Variants in DAB1 observed in about 807,000 individuals in gnomAD.
The protein encoded by DAB1 is DAB adaptor protein 1.
A neutral mutation model predicts 64.6 loss-of-function variants in DAB1; 15 were observed. The observed-to-expected ratio is 0.23, with a 90% CI of 0.16 to 0.36. The LOEUF (loss-of-function observed/expected upper bound fraction) is 0.36. Ranked by LOEUF, DAB1 falls within the 10% of genes least tolerant of loss-of-function variation. The probability of loss-of-function intolerance (pLI) is 1.00; values close to 1 mark genes in which losing one functional copy is unlikely to be tolerated. For synonymous variants in DAB1, 235 were observed against 251.9 expected, an observed-to-expected ratio of 0.93 and a Z score of 0.64; for missense variants, 596 against 706.7, an observed-to-expected ratio of 0.84 and a Z score of 1.78.
chr1:58,411,414 TA>T (rs747423406), intron 3 of DAB1, among the ~76,000 whole-genome samples: 16 of 152,318 alleles, frequency 1.1e-4, no homozygotes, highest in South Asian at 4.1e-4. Flanking sequence ...CAAGCATTTA[TA>T]CATAGAAGCC....
At chr1:58,514,520 A>G (rs1337458421) in intron 2 of DAB1, among the ~76,000 whole-genome samples, 1 of 152,056 alleles carries the variant, frequency 6.6e-6, no homozygotes, top group Admixed American at 6.5e-5. Context: ...CCCCCTTCCA[A>G]AGGTAAATCC....
intron 7 of DAB1, among the ~76,000 whole-genome samples, chr1:57,564,270 C>T (rs1185312414): frequency 6.6e-6 from 1 of 152,152 alleles, no homozygotes; most frequent in African/African-American, 2.4e-5. Context: ...GACATCCACA[C>T]CAAAACCCCA....
intron 7 of DAB1, among the ~76,000 whole-genome samples, chr1:57,468,780 T>C (rs778507887): frequency 6.6e-6 from 1 of 152,192 alleles, no homozygotes; most frequent in Non-Finnish European, 1.5e-5. Context: ...GCCAATTCTG[T>C]CCCAATAGAG....
At chr1:57,103,549 C>T (rs1264422542) in intron 4 of DAB1, among the ~76,000 whole-genome samples, 1 of 152,052 alleles carries the variant, frequency 6.6e-6, no homozygotes, top group African/African-American at 2.4e-5. Flanking sequence ...GTTATGTGTA[C>T]TAGGAGTGTG....
chr1:57,485,145 C>T (rs1644074014), intron 7 of DAB1, among the ~76,000 whole-genome samples: 1 of 149,352 alleles, frequency 6.7e-6, no homozygotes, highest in Non-Finnish European at 1.5e-5. Flanking sequence ...CCCTGTGACC[C>T]TTCTTCCCAT....
intron 4 of DAB1, among the ~76,000 whole-genome samples, chr1:58,231,294 AT>A (rs1249331093): frequency 6.6e-6 from 1 of 152,178 alleles, no homozygotes; most frequent in African/African-American, 2.4e-5. Flanking sequence ...TAGCCCTAAA[AT>A]ATTCTAATTT....
intron 11 of DAB1, among the ~76,000 whole-genome samples, 193 bp downstream of exon 11, chr1:57,023,338 C>T (rs1646680530): frequency 6.6e-6 from 1 of 152,212 alleles, no homozygotes; most frequent in South Asian, 2.1e-4. Context: ...TCAGTGAATT[C>T]CAGGCCAGTA....
rs554563802 is a variant in DAB1 at position 58,423,795 on chromosome 1, T to C, written n.258-80392A>G. ...TGCAAGGCACAGGGGAAATAATGGC[T>C]TTCAACTGTTGCTAACCCCTGAGTG... is the stretch of plus-strand genomic sequence containing the variant. On this transcript the variant is annotated intron_variant and non_coding_transcript_variant, in intron 3 of 20. Transcript: ENST00000485760. Among the ~76,000 whole-genome samples the C allele has an allele frequency of 8.5e-5, 13 of 152,356 alleles. No homozygotes were observed. The East Asian group carries it at 2.5e-3, about 29-fold the overall frequency.
intron 1 of DAB1, among the ~76,000 whole-genome samples, chr1:57,387,814 T>C (rs1289496905): frequency 1.0e-5 from 1 of 98,662 alleles, no homozygotes; most frequent in African/African-American, 4.5e-5. Flanking sequence ...AGAGCAAGAC[T>C]CAGCCTCAAA....
chr1:58,331,070 C>A (rs1329713244), intron 4 of DAB1, among the ~76,000 whole-genome samples: 1 of 152,152 alleles, frequency 6.6e-6, no homozygotes, highest in Non-Finnish European at 1.5e-5. Flanking sequence ...GGAAAGGATT[C>A]CCTGTTCTAG....
intron 2 of DAB1, among the ~76,000 whole-genome samples, chr1:57,277,365 T>A (rs1369705197): frequency 2.6e-5 from 4 of 152,200 alleles, no homozygotes; most frequent in African/African-American, 9.6e-5. Flanking sequence ...GTCTTCTCCC[T>A]ATGAAAACGG....
At chr1:58,419,160 G>A (rs1052264826) in intron 3 of DAB1, among the ~76,000 whole-genome samples, 12 of 152,134 alleles carry the variant, frequency 7.9e-5, no homozygotes, top group Non-Finnish European at 1.2e-4. Context: ...TGAAAACTCA[G>A]AGGCCCCTGG....
At chr1:57,836,668 T>G (rs1252473684) in intron 1 of DAB1, among the ~76,000 whole-genome samples, 4 of 152,218 alleles carry the variant, frequency 2.6e-5, no homozygotes, top group African/African-American at 4.8e-5. Context: ...ATTATCACTG[T>G]GGGTTGTAAT....
intron 3 of DAB1, among the ~76,000 whole-genome samples, chr1:58,487,131 C>T (rs1261753696): frequency 3.9e-5 from 6 of 152,070 alleles, no homozygotes; most frequent in Non-Finnish European, 5.9e-5. Flanking sequence ...GAAATGACTG[C>T]GGTAACTTGG....
chr1:58,516,287 GA>G (rs1343539895), intron 2 of DAB1, among the ~76,000 whole-genome samples: 1 of 152,104 alleles, frequency 6.6e-6, no homozygotes, highest in African/African-American at 2.4e-5. Flanking sequence ...AAACTGTTAC[GA>G]AAAAATTAAA....
chr1:57,268,212 A>G (rs1271613349), intron 2 of DAB1, among the ~76,000 whole-genome samples: 2 of 152,214 alleles, frequency 1.3e-5, no homozygotes, highest in Admixed American at 6.5e-5. Flanking sequence ...AGCCACGATC[A>G]CTGAGAACTG....
At chr1:57,269,051 G>A (rs1296743262) in intron 2 of DAB1, among the ~76,000 whole-genome samples, 5 of 152,078 alleles carry the variant, frequency 3.3e-5, no homozygotes, top group African/African-American at 9.7e-5. Flanking sequence ...TAGAGAGATC[G>A]AGAGAGGGCA....
chr1:57,878,864 T>C (rs1405600336), intron 1 of DAB1: 1 of 152,166 alleles, frequency 6.6e-6, no homozygotes. Flanking sequence ...ACCACAGTTC[T>C]ACTCTCCACT....
At chr1:57,567,861 T>C (rs566051685) in intron 7 of DAB1, among the ~76,000 whole-genome samples, 3 of 152,312 alleles carry the variant, frequency 2.0e-5, no homozygotes, top group African/African-American at 7.2e-5. Context: ...CAAGGTAATT[T>C]ATAGATTTAA....
Sources: allele counts gnomAD v4.1 joint callset (sites outside exome capture counted in the v4.1 genomes callset), GRCh38; gene constraint gnomAD v4.1.1; transcripts MANE v1.5; gene names NCBI Gene and HGNC (gene_info 2026-07-23, HGNC 2026-07-21).